The following HSD17B3 variants were observed in gnomAD, a reference collection of about 807,000 sequenced individuals.
HSD17B3 encodes hydroxysteroid 17-beta dehydrogenase 3.
HSD17B3 carries 29 observed loss-of-function variants against 41.1 expected under a neutral mutation model. The observed-to-expected ratio is 0.71, with a 90% CI of 0.53 to 0.96. The LOEUF (loss-of-function observed/expected upper bound fraction) is 0.96, where lower values mean the gene tolerates loss of function less well. Among genes scored for constraint, HSD17B3 ranks in the 40% least tolerant of loss-of-function variants. The pLI is 0.00. For missense variants in HSD17B3, 323 were observed against 374.6 expected (o/e 0.86, Z 1.14); for synonymous variants, 126 against 145.6 (o/e 0.87, Z 0.97).
At chr9:96,269,902 T>A (rs2130758995) in intron 2 of HSD17B3, among the ~76,000 whole-genome samples, 1 of 97,282 alleles carries the variant, frequency 1.0e-5, no homozygotes, top group South Asian at 2.7e-4. Flanking sequence ...AGAATCCATC[T>A]TAAAAAGAAA....
intron 4 of HSD17B3, 25 bp from the exon 5 acceptor site, chr9:96,251,510 ATGT>A (rs750826518): frequency 1.0e-5 from 16 of 1,604,296 alleles, no homozygotes; most frequent in Non-Finnish European, 1.2e-5. Context: ...CAAAACAAAA[ATGT>A]GTCAGAAGAT....
intron 9 of HSD17B3, among the ~76,000 whole-genome samples, chr9:96,241,953 A>G (rs1277433166): frequency 5.4e-4 from 37 of 68,286 alleles, no homozygotes; most frequent in South Asian, 1.2e-3. Context: ...AAAAAAGAAA[A>G]GAACAGAAAA....
At position 96,298,535 on chromosome 9, in the gene HSD17B3, C is replaced by T. The variant is rs1354918744; in HGVS notation, c.155-73G>A. On this transcript the variant is annotated intron_variant, in intron 1 of 10. Coordinates refer to ENST00000375263, the MANE Select transcript of HSD17B3 (RefSeq NM_000197.2). ...TTCTCTTTCTCACTGGCCACGTTTT[C>T]TCACAAGCCTAGTCTCCAGGGCAGT... The T allele has an allele frequency of 2.3e-6, 3 of 1,312,428 alleles. No homozygotes were observed. The East Asian group carries it at 6.9e-5, about 30-fold the overall frequency. The allele number at this position is 1,312,428 out of a possible 1,614,324, so 81.3% of individuals were successfully genotyped here.
At chr9:96,269,925 A>G (rs1826178473) in intron 2 of HSD17B3, among the ~76,000 whole-genome samples, 1 of 151,808 alleles carries the variant, frequency 6.6e-6, no homozygotes, top group African/African-American at 2.4e-5. Context: ...AAAAAAAAAA[A>G]AAAAGCAGAT....
chr9:96,247,890 G>A (rs912462), intron 6 of HSD17B3, among the ~76,000 whole-genome samples: 89,438 of 151,994 alleles, frequency 0.59, 26,530 homozygotes, highest in East Asian at 0.82. Context: ...ATCTCCAGAC[G>A]GCTTCTTTAA....
intron 2 of HSD17B3, among the ~76,000 whole-genome samples, chr9:96,262,229 CTTTTTTTTTTT>C (rs71368240): frequency 5.8e-3 from 313 of 54,206 alleles, no homozygotes; most frequent in South Asian, 8.9e-3. Context: ...ATGTCAATTG[CTTTTTTTTTTT>C]TTTTTTTTTT....
intron 10 of HSD17B3, 38 bp downstream of exon 10, chr9:96,240,720 C>G (rs1316849314): frequency 6.2e-7 from 1 of 1,612,332 alleles, no homozygotes; most frequent in South Asian, 1.1e-5. Context: ...GCGTGTCCTC[C>G]CTCCCTGGCT....
At chr9:96,251,571 T>G in intron 4 of HSD17B3, 86 bp from the exon 5 acceptor site, 1 of 1,248,070 alleles carries the variant, frequency 8.0e-7, no homozygotes, top group Non-Finnish European at 1.2e-6. Context: ...GATTGACATG[T>G]AAGGTTGTTC....
chr9:96,267,308 C>T (rs1826077754), intron 2 of HSD17B3, among the ~76,000 whole-genome samples: 1 of 151,970 alleles, frequency 6.6e-6, no homozygotes, highest in Admixed American at 6.6e-5. Context: ...AGACACATGC[C>T]ACCACGGCCA....
intron 10 of HSD17B3, among the ~76,000 whole-genome samples, chr9:96,238,866 C>A (rs1208680619): frequency 6.6e-6 from 1 of 152,158 alleles, no homozygotes; most frequent in Non-Finnish European, 1.5e-5. Flanking sequence ...GGGGCCATGG[C>A]CCCCACTCCT....
intron 6 of HSD17B3, 96 bp downstream of exon 6, chr9:96,249,655 A>T: frequency 8.9e-7 from 1 of 1,120,058 alleles, no homozygotes; most frequent in Non-Finnish European, 1.4e-6. Flanking sequence ...ATTTCAAAGA[A>T]TCCTGCTTCT....
intron 3 of HSD17B3, among the ~76,000 whole-genome samples, chr9:96,253,423 T>C (rs1389376735): frequency 6.6e-6 from 1 of 152,216 alleles, no homozygotes. Context: ...AACAACTCTT[T>C]GTATTTGTCC....
chr9:96,296,896 G>A (rs1827381135), intron 2 of HSD17B3, among the ~76,000 whole-genome samples: 1 of 151,932 alleles, frequency 6.6e-6, no homozygotes, highest in Non-Finnish European at 1.5e-5. Flanking sequence ...AAAAATACAT[G>A]AGCCTGTAGT....
At chr9:96,256,942 C>T (rs1479489392) in intron 2 of HSD17B3, among the ~76,000 whole-genome samples, 5 of 152,068 alleles carry the variant, frequency 3.3e-5, no homozygotes, top group Non-Finnish European at 5.9e-5. Flanking sequence ...TAACACCATC[C>T]CCCAGGTGCT....
In HSD17B3 at chr9:96,254,876, G is replaced by A; in HGVS notation, c.269C>T (p.Thr90Ile). The change falls in exon 3 of 11, where the codon ACA (threonine) becomes ATA (isoleucine). Residue 90 changes from threonine to isoleucine, a missense_variant. Transcript: ENST00000375263. ...RTLEKLEAIA[T>I]EIERTTGRSV... ...TTTGGGGGGTCACTCACCGATCTCTGTGGCAATGGCCTCTAGTTTTTCCAG... is the reference window on the plus strand; with the variant it reads ...TTTGGGGGGTCACTCACCGATCTCTATGGCAATGGCCTCTAGTTTTTCCAG... 1 of 1,613,930 alleles carries A rather than the reference G, an allele frequency of 6.2e-7. No homozygotes were observed. The highest frequency in any genetic ancestry group is 8.5e-7 in the Non-Finnish European group (1 of 1,179,830).
Position 96,252,836 on chromosome 9 carries a change from C to A in HSD17B3, c.352G>T (p.Glu118Ter). The A allele has an allele frequency of 3.1e-6, 5 of 1,612,934 alleles. No homozygotes were observed. The highest frequency in any genetic ancestry group is 4.2e-6 in the Non-Finnish European group (5 of 1,178,992). Residue 118 changes from glutamate (E) to a stop codon, truncating the protein, a stop_gained, in exon 4 of 11, where the codon GAA becomes TAA. Transcript: ENST00000375263. LOFTEE classifies it high-confidence loss of function. ...TKDDIYEHIKEKLAGLEIGIL... is the reference protein window; with the variant it reads ...TKDDIYEHIK ...CCAATTTCTAAGCCTGCAAGTTTTT[C>A]TTTAATATGCTCGTAGATGTCATCT...
intron 2 of HSD17B3, among the ~76,000 whole-genome samples, chr9:96,267,957 A>C (rs1340285596): frequency 6.6e-6 from 1 of 151,806 alleles, no homozygotes; most frequent in Non-Finnish European, 1.5e-5. Context: ...ACAGAGTCTC[A>C]CTCTATCACC....
chr9:96,245,913 A>C (rs1836644886), intron 7 of HSD17B3, among the ~76,000 whole-genome samples: 1 of 152,210 alleles, frequency 6.6e-6, no homozygotes, highest in African/African-American at 2.4e-5. Context: ...TACCCTATGC[A>C]AGTCTCCAGG....
intron 2 of HSD17B3, among the ~76,000 whole-genome samples, chr9:96,275,794 A>G (rs1826427543): frequency 1.3e-5 from 2 of 152,160 alleles, no homozygotes. Flanking sequence ...ATCAATGCAA[A>G]AAATCATGAA....
Sources: gnomAD v4.1 joint callset for allele counts (sites outside exome capture counted in the v4.1 genomes callset) on GRCh38, gnomAD v4.1.1 for gene constraint, MANE v1.5 for transcripts, NCBI Gene and HGNC (gene_info 2026-07-23, HGNC 2026-07-21) for gene names.